MARCHF1: variants seen among roughly 807,000 people sequenced by gnomAD.
MARCHF1 encodes E3 ubiquitin-protein ligase MARCHF1.
A neutral mutation model predicts 54.2 loss-of-function variants in MARCHF1; 40 were observed. The ratio of observed to expected loss-of-function variants is 0.74; its 90% confidence interval spans 0.57 to 0.96. MARCHF1 has a LOEUF of 0.96. Ranked by LOEUF, MARCHF1 falls within the 40% of genes least tolerant of loss-of-function variation. MARCHF1 has a pLI of 0.00. For synonymous variants in MARCHF1, 236 were observed against 236.3 expected (o/e 1.00, Z 0.01); for missense variants, 586 against 656.5 (o/e 0.89, Z 1.17).
rs533614266 is a variant in MARCHF1 at position 164,240,236 on chromosome 4, G to A, written c.-322-128574C>T. ...GTTCACTTTCAGTTCACAAATTCTC[G>A]AATTTTTCTATAAGCCTATTAGTAA... On this transcript the variant is annotated intron_variant, in intron 1 of 9. Transcript: ENST00000514618. Among the ~76,000 whole-genome samples the A allele has an allele frequency of 6.6e-5, 10 of 152,208 alleles. 1 individual carries two copies. The highest frequency in any genetic ancestry group is 3.3e-4 in the Admixed American group (5 of 15,288).
At chr4:164,161,498 T>G (rs1195663731) in intron 1 of MARCHF1, among the ~76,000 whole-genome samples, 1 of 151,854 alleles carries the variant, frequency 6.6e-6, no homozygotes, top group Non-Finnish European at 1.5e-5. Flanking sequence ...GGAAAGCATA[T>G]TTTTAAATCT....
chr4:164,295,243 A>G (rs1734380210), intron 1 of MARCHF1, among the ~76,000 whole-genome samples: 1 of 152,210 alleles, frequency 6.6e-6, no homozygotes, highest in Non-Finnish European at 1.5e-5. Context: ...TCCCTGTAGA[A>G]TAATGTTTTT....
chr4:164,383,484 G>A (rs1478608947), intron 1 of MARCHF1: 1 of 152,332 alleles, frequency 6.6e-6, no homozygotes, highest in Non-Finnish European at 1.5e-5. Context: ...GCTTTCCGAG[G>A]GGTGCGGCTC....
At chr4:163,810,462 A>G (rs527287525) in intron 4 of MARCHF1, among the ~76,000 whole-genome samples, 175 of 152,286 alleles carry the variant, frequency 1.1e-3, no homozygotes, top group Admixed American at 3.5e-3. Flanking sequence ...CTTCACTGGG[A>G]CCTAAGCAAG....
At chr4:164,303,535 G>A (rs1403137611) in intron 1 of MARCHF1, among the ~76,000 whole-genome samples, 1 of 152,170 alleles carries the variant, frequency 6.6e-6, no homozygotes, top group African/African-American at 2.4e-5. Context: ...ATGAGATTGT[G>A]TGCATAGACT....
chr4:163,897,333 C>G (rs1020500397), intron 3 of MARCHF1, among the ~76,000 whole-genome samples: 22 of 152,180 alleles, frequency 1.4e-4, no homozygotes, highest in African/African-American at 5.3e-4. Flanking sequence ...TCACCCCTAT[C>G]TCTGTCTAAC....
chr4:163,623,792 A>G (rs1203426515), intron 5 of MARCHF1, among the ~76,000 whole-genome samples: 2 of 152,080 alleles, frequency 1.3e-5, no homozygotes, highest in Non-Finnish European at 2.9e-5. Context: ...CATTTTCCCT[A>G]CCCATTCATT....
chr4:163,563,648 T>G (rs145759026), intron 8 of MARCHF1, among the ~76,000 whole-genome samples: 314 of 152,298 alleles, frequency 2.1e-3, no homozygotes, highest in Admixed American at 3.1e-3. Flanking sequence ...CTCAGAAGAT[T>G]TATTTAGTCT....
intron 3 of MARCHF1, among the ~76,000 whole-genome samples, chr4:163,968,490 T>C (rs1438830226): frequency 1.3e-5 from 2 of 152,182 alleles, no homozygotes; most frequent in African/African-American, 4.8e-5. Context: ...AAAATCTCAC[T>C]TATTTTGCAC....
At chr4:163,727,268 T>C (rs1377594103) in intron 4 of MARCHF1, among the ~76,000 whole-genome samples, 1 of 152,178 alleles carries the variant, frequency 6.6e-6, no homozygotes, top group Non-Finnish European at 1.5e-5. Context: ...TGAATAAATT[T>C]TCATGAAGGG....
chr4:163,903,424 G>A (rs1750983790), intron 3 of MARCHF1, among the ~76,000 whole-genome samples: 1 of 152,130 alleles, frequency 6.6e-6, no homozygotes. Flanking sequence ...AACAAAAGGA[G>A]ATAAGCATAG....
At chr4:164,295,844 G>C (rs551035645) in intron 1 of MARCHF1, among the ~76,000 whole-genome samples, 2 of 152,154 alleles carry the variant, frequency 1.3e-5, no homozygotes, top group Non-Finnish European at 2.9e-5. Flanking sequence ...TAAAGCAAGA[G>C]GGGTGAAGGA....
chr4:164,370,452 C>T (rs1229501740), intron 1 of MARCHF1, among the ~76,000 whole-genome samples: 1 of 152,182 alleles, frequency 6.6e-6, no homozygotes, highest in African/African-American at 2.4e-5. Context: ...AATTAATTCC[C>T]TTACCATACT....
chr4:164,053,283 T>A (rs1754413283), intron 2 of MARCHF1, among the ~76,000 whole-genome samples: 1 of 152,192 alleles, frequency 6.6e-6, no homozygotes, highest in Non-Finnish European at 1.5e-5. Flanking sequence ...GGTTTTAAAC[T>A]ACATGAAATG....
chr4:163,936,439 A>G (rs913303405), intron 3 of MARCHF1, among the ~76,000 whole-genome samples: 39 of 152,202 alleles, frequency 2.6e-4, no homozygotes, highest in African/African-American at 9.4e-4. Context: ...GCCTGTATAT[A>G]TACTGTTGCT....
intron 3 of MARCHF1, among the ~76,000 whole-genome samples, chr4:163,856,702 A>G (rs528063860): frequency 6.6e-6 from 1 of 152,266 alleles, no homozygotes; most frequent in African/African-American, 2.4e-5. Context: ...CTCCTGGAGA[A>G]GTCAATTTTT....
intron 6 of MARCHF1, 49 bp downstream of exon 6, chr4:163,613,265 G>A (rs761459465): frequency 4.6e-5 from 71 of 1,529,392 alleles, no homozygotes; most frequent in Non-Finnish European, 6.0e-5. Context: ...ACAAGAATAC[G>A]AATATTGATC....
intron 3 of MARCHF1, among the ~76,000 whole-genome samples, chr4:163,922,394 T>G (rs1751451285): frequency 6.6e-6 from 1 of 152,172 alleles, no homozygotes; most frequent in South Asian, 2.1e-4. Context: ...CGTTGAGGTT[T>G]TTCATGTTAG....
At chr4:164,197,568 A>G (rs1467515124) in intron 1 of MARCHF1, 1 of 1,613,160 alleles carries the variant, frequency 6.2e-7, no homozygotes, top group East Asian at 2.2e-5. Flanking sequence ...CGTTGATTTT[A>G]CTTAAGAATT....
Sources: gnomAD v4.1 joint callset for allele counts (sites outside exome capture counted in the v4.1 genomes callset) on GRCh38, gnomAD v4.1.1 for gene constraint, MANE v1.5 for transcripts, NCBI Gene and HGNC (gene_info 2026-07-23, HGNC 2026-07-21) for gene names.